The following EML6 variants were observed in gnomAD, a reference collection of about 807,000 sequenced individuals.
EML6 encodes the protein echinoderm microtubule-associated protein-like 6.
Under a neutral mutation model 240.1 loss-of-function variants are expected in EML6, and 154 were observed. The ratio of observed to expected loss-of-function variants is 0.64; its 90% CI spans 0.56 to 0.73. The LOEUF is 0.73. Ranked by LOEUF, EML6 falls within the 30% of genes least tolerant of loss-of-function variation. The probability of loss-of-function intolerance (pLI) is 0.00; values close to 1 mark genes in which losing one functional copy is unlikely to be tolerated. For missense variants in EML6, 2,964 were observed against 2,474.6 expected (o/e 1.20, Z -4.20); for synonymous variants, 1,148 against 899.0 (o/e 1.28, Z -4.95).
At chr2:54,843,784 AG>A (rs1409613165) in intron 7 of EML6, among the ~76,000 whole-genome samples, 1 of 148,636 alleles carries the variant, frequency 6.7e-6, no homozygotes, top group Non-Finnish European at 1.5e-5. Context: ...CGGAGGCTGC[AG>A]TGAGCTGAGA....
intron 3 of EML6, 114 bp from the exon 4 acceptor site, chr2:54,816,673 C>T (rs1668095051): frequency 6.4e-6 from 5 of 781,828 alleles, no homozygotes; most frequent in East Asian, 2.8e-5. Flanking sequence ...TTTGAGAAAT[C>T]GGTTTGTTAT....
In EML6 at chr2:54,905,454, C is replaced by T. The variant is rs534565867; in HGVS notation, c.3409+1952C>T. On this transcript the variant is annotated intron_variant, in intron 24 of 41. Coordinates refer to ENST00000356458, the MANE Select transcript of EML6 (RefSeq NM_001039753.4). ...TTAAAACCCATTATTGTTTCTATTA[C>T]GGAGTGAAGAGTCCAGAGAAAAGAG... Among the ~76,000 whole-genome samples, 117 of 151,482 alleles carry T rather than the reference C, an allele frequency of 7.7e-4. 2 individuals carry two copies. The highest frequency in any genetic ancestry group is 2.7e-3 in the African/African-American group (113 of 41,202).
chr2:54,807,250 A>G lies in EML6; in HGVS notation c.198-5982A>G, dbSNP rs536191518. On this transcript the variant is annotated intron_variant, in intron 2 of 41. Transcript: ENST00000356458. ...AAAGAAGTTGTTCACATCATTGGCA[A>G]ATGATTAAAGTTCCAATATGTATAT... Among the ~76,000 whole-genome samples, 18 of 152,318 alleles carry G rather than the reference A, an allele frequency of 1.2e-4. 1 individual carries two copies. In the South Asian group the frequency reaches 2.1e-3, roughly 18 times the overall value.
In EML6 at chr2:54,861,777, T is replaced by G. The variant is rs560551307; in HGVS notation, c.1826-2006T>G. On this transcript the variant is annotated intron_variant, in intron 12 of 41. Coordinates refer to ENST00000356458, the MANE Select transcript of EML6 (RefSeq NM_001039753.4). ...ATAGGGAGAGGTTTTTTGTTTTTTT[T>G]TTTTTTTTAATCTAATGCACAGAAA... Among the ~76,000 whole-genome samples the G allele has an allele frequency of 7.8e-3, 1,167 of 150,252 alleles. 17 individuals carry two copies. The highest frequency in any genetic ancestry group is 0.027 in the African/African-American group (1,124 of 41,366).
intron 28 of EML6, among the ~76,000 whole-genome samples, chr2:54,939,010 GT>G (rs1427445154): frequency 6.6e-6 from 1 of 152,134 alleles, no homozygotes; most frequent in Non-Finnish European, 1.5e-5. Context: ...CAAAATTTCT[GT>G]TTTATACACT....
rs1377597464 is a variant in EML6, at chr2:54,725,416, G to T, written c.197+158G>T. Among the ~76,000 whole-genome samples the T allele has an allele frequency of 6.6e-6, 1 of 152,160 alleles. No homozygotes were observed. The highest frequency in any genetic ancestry group is 1.5e-5 in the Non-Finnish European group (1 of 68,028). The stretch of plus-strand genomic sequence containing the variant: ...GAAGGGCTGCTGATTCTAGGGCCAG[G>T]GCAGAAACAGTGTGGGGAGTGTAGG... On this transcript the variant is annotated intron_variant, in intron 2 of 41. Transcript: ENST00000356458. The surrounding 1 kb of genome is among the most constrained non-coding windows in gnomAD (Gnocchi z 4.3).
At chr2:54,826,372 G>T (rs1668593745) in intron 5 of EML6, among the ~76,000 whole-genome samples, 1 of 152,232 alleles carries the variant, frequency 6.6e-6, no homozygotes, top group Non-Finnish European at 1.5e-5. Flanking sequence ...GCCAAGTGGG[G>T]CAGATCACCT....
intron 8 of EML6, 123 bp from the exon 9 acceptor site, chr2:54,847,363 G>C: frequency 1.0e-6 from 1 of 975,932 alleles, no homozygotes; most frequent in Non-Finnish European, 1.5e-6. Context: ...AAGGGCTCTG[G>C]TGTGAAGTTC....
At chr2:54,906,881 TGA>T (rs1262518191) in intron 24 of EML6, among the ~76,000 whole-genome samples, 1 of 152,176 alleles carries the variant, frequency 6.6e-6, no homozygotes, top group Non-Finnish European at 1.5e-5. Context: ...CTGGCAAGGT[TGA>T]GAGCAGAATT....
At chr2:54,928,782 T>C (rs1674699701) in intron 28 of EML6, 31 bp downstream of exon 28, 1 of 1,551,372 alleles carries the variant, frequency 6.4e-7, no homozygotes, top group Non-Finnish European at 8.7e-7. Context: ...CTTGCTTTTA[T>C]TATACCTGAT....
chr2:54,757,888 T>G (rs1208850441), intron 2 of EML6, among the ~76,000 whole-genome samples: 1 of 151,978 alleles, frequency 6.6e-6, no homozygotes, highest in Admixed American at 6.5e-5. Context: ...GCTCCTTTTT[T>G]TTTTTTTTTC....
intron 17 of EML6, chr2:54,880,701 G>A (rs2103984672): frequency 6.6e-6 from 1 of 152,268 alleles, no homozygotes; most frequent in Non-Finnish European, 1.5e-5. Flanking sequence ...ATTCCTCACT[G>A]TCATTCCACT....
chr2:54,757,803 C>T (rs1367889499), intron 2 of EML6, among the ~76,000 whole-genome samples: 1 of 152,102 alleles, frequency 6.6e-6, no homozygotes, highest in Non-Finnish European at 1.5e-5. Flanking sequence ...CCCCTTCTTC[C>T]TCCCACCCTC....
At chr2:54,841,355 G>T (rs1192959321) in intron 7 of EML6, among the ~76,000 whole-genome samples, 1 of 152,198 alleles carries the variant, frequency 6.6e-6, no homozygotes, top group Non-Finnish European at 1.5e-5. Context: ...ACCATTTCAA[G>T]ACCTGTAGCA....
At chr2:54,787,411 T>C (rs1213714992) in intron 2 of EML6, among the ~76,000 whole-genome samples, 1 of 152,172 alleles carries the variant, frequency 6.6e-6, no homozygotes, top group Non-Finnish European at 1.5e-5. Context: ...ATTGTAGTCA[T>C]ACAGACCTAG....
rs1682805582 is a variant in EML6, at chr2:54,724,182, G to T, written c.-513-367G>T. 6.6e-6 allele frequency among the ~76,000 whole-genome samples: 1 copy of T among 152,088 alleles called. No individual in the cohort carries two copies. Among genetic ancestry groups the T allele is most frequent in the Non-Finnish European group, 1.5e-5 (1 of 68,012 alleles). On this transcript the variant is annotated intron_variant, in intron 1 of 41. Coordinates refer to ENST00000356458, the MANE Select transcript of EML6 (RefSeq NM_001039753.4). The surrounding 1 kb of genome is among the most constrained non-coding windows in gnomAD (Gnocchi z 5.2). ...ATCTTTCATGATGCGGATTGGAGTT[G>T]CTGATCAATGAGAGCTGCTAAGTTC...
At chr2:54,739,431 A>G (rs767251168) in intron 2 of EML6, among the ~76,000 whole-genome samples, 21 of 152,366 alleles carry the variant, frequency 1.4e-4, no homozygotes, top group Non-Finnish European at 2.8e-4. Flanking sequence ...AAATGAAGGT[A>G]TAATTTTTAA....
chr2:54,786,214 C>T (rs971676933), intron 2 of EML6, among the ~76,000 whole-genome samples: 1 of 152,094 alleles, frequency 6.6e-6, no homozygotes, highest in Non-Finnish European at 1.5e-5. Flanking sequence ...TCTCTTTTCC[C>T]TGGAAGTTTT....
chr2:54,771,222 A>T (rs1668387312), intron 2 of EML6, among the ~76,000 whole-genome samples: 1 of 152,134 alleles, frequency 6.6e-6, no homozygotes. Flanking sequence ...TTCTCACCAG[A>T]TCATCCCTAA....
Sources: gnomAD v4.1 joint callset for allele counts (sites outside exome capture counted in the v4.1 genomes callset) on GRCh38, gnomAD v4.1.1 for gene constraint, Gnocchi (gnomAD v3.1) non-coding constraint, MANE v1.5 for transcripts, NCBI Gene and HGNC (gene_info 2026-07-23, HGNC 2026-07-21) for gene names.